The following NDRG4 variants were observed in gnomAD, a reference collection of about 807,000 sequenced individuals.
NDRG4 encodes the protein NDRG family member 4, also known as protein NDRG4.
Under a neutral mutation model 55.8 loss-of-function variants are expected in NDRG4, and 38 were observed. The ratio of observed to expected loss-of-function variants is 0.68; its 90% CI spans 0.53 to 0.89. The LOEUF (loss-of-function observed/expected upper bound fraction) is 0.89, where lower values mean the gene tolerates loss of function less well. Among genes scored for constraint, NDRG4 ranks in the 40% least tolerant of loss-of-function variants. The probability of loss-of-function intolerance (pLI) is 0.00; values close to 1 mark genes in which losing one functional copy is unlikely to be tolerated. For missense variants in NDRG4, 455 were observed against 468.6 expected (o/e 0.97, Z 0.27); for synonymous variants, 190 against 182.7 (o/e 1.04, Z -0.32).
At chr16:58,500,071 C>T, upstream of NDRG4, 1 of 1,478,880 alleles carries the variant, frequency 6.8e-7, no homozygotes, top group Non-Finnish European at 9.0e-7. Flanking sequence ...GCTCAGAAAC[C>T]CTGCGGGGAG....
At chr16:58,475,061 G>A (rs889739027) in intron 1 of NDRG4, among the ~76,000 whole-genome samples, 1 of 152,186 alleles carries the variant, frequency 6.6e-6, no homozygotes, top group Non-Finnish European at 1.5e-5. Context: ...TGCCCCTCGG[G>A]CTCTCTCTTT....
In NDRG4 at chr16:58,509,015, G is replaced by T; in HGVS notation, c.777+6G>T. The T allele has an allele frequency of 6.2e-7, 1 of 1,614,126 alleles. No homozygotes were observed. Among genetic ancestry groups the T allele is most frequent in the Non-Finnish European group, 8.5e-7 (1 of 1,180,014 alleles). Reference sequence around the variant, plus strand: ...CCACTACGACCTTCCTGAAGGTGAGGCTTTCTTCCCCAGCCCTGGGCCAGC... The same window carrying T: ...CCACTACGACCTTCCTGAAGGTGAGTCTTTCTTCCCCAGCCCTGGGCCAGC... On this transcript the variant is annotated splice_donor_region_variant and intron_variant, in intron 11 of 14. Transcript: ENST00000570248.
At chr16:58,474,262 C>T (rs879286077) in intron 1 of NDRG4, among the ~76,000 whole-genome samples, 10 of 152,046 alleles carry the variant, frequency 6.6e-5, no homozygotes, top group Non-Finnish European at 1.0e-4. Context: ...AGGCTGGTCT[C>T]GAACTCCTGG....
At chr16:58,507,767 G>A (rs2038231368) in intron 8 of NDRG4, 41 bp from the exon 9 acceptor site, 1 of 1,601,086 alleles carries the variant, frequency 6.2e-7, no homozygotes, top group Admixed American at 1.7e-5. Flanking sequence ...TCCTGTCCTG[G>A]GGTGCCCACC....
In NDRG4 at chr16:58,511,349, C is replaced by T. The variant is rs1036859496; in HGVS notation, c.905-73C>T. 6 of 1,485,218 alleles carry T rather than the reference C, an allele frequency of 4.0e-6. No individual in the cohort carries two copies. The African/African-American group carries it at 8.4e-5, about 21-fold the overall frequency. 92.0% of individuals were successfully genotyped at this position (1,485,218 alleles called of 1,614,324 possible). A position where few individuals can be genotyped will look rare whatever the true frequency, so the allele number is the denominator to read the frequency against. ...AACGGTTCGCTGGCCGCTTTGCTTG[C>T]AGCCTACTTTTCCCACCAGAGGCAC... is the stretch of plus-strand genomic sequence containing the variant. On this transcript the variant is annotated intron_variant, in intron 14 of 14. Transcript: ENST00000570248.
downstream of NDRG4, among the ~76,000 whole-genome samples, chr16:58,513,883 A>G (rs1427475229): frequency 6.6e-6 from 1 of 152,166 alleles, no homozygotes; most frequent in Non-Finnish European, 1.5e-5. Context: ...GCTTGAACCT[A>G]GGAGGCAGAG....
chr16:58,466,046 C>T (rs111625294), intron 1 of NDRG4, among the ~76,000 whole-genome samples: 2,863 of 152,188 alleles, frequency 0.019, 97 homozygotes, highest in African/African-American at 0.065. Flanking sequence ...AGATGGAGTC[C>T]CACTCTGTCG....
chr16:58,473,105 A>G (rs1295649762), intron 1 of NDRG4, among the ~76,000 whole-genome samples: 4 of 152,156 alleles, frequency 2.6e-5, no homozygotes, highest in South Asian at 4.2e-4. Flanking sequence ...TAAAAACTGT[A>G]TTATGTATTA....
intron 1 of NDRG4, chr16:58,502,051 T>C (rs1280498212): frequency 4.4e-6 from 2 of 455,616 alleles, no homozygotes; most frequent in Non-Finnish European, 8.8e-6. Flanking sequence ...GGGTGGAACC[T>C]GATCTCCTGT....
At chr16:58,501,059 C>A in intron 1 of NDRG4, 1 of 1,236,912 alleles carries the variant, frequency 8.1e-7, no homozygotes, top group African/African-American at 1.5e-5. Flanking sequence ...CAGGGCACCT[C>A]CTCTCGCCGG....
chr16:58,506,707 G>C (rs2038080136), intron 7 of NDRG4, 93 bp downstream of exon 7: 1 of 1,411,446 alleles, frequency 7.1e-7, no homozygotes. Context: ...TTTGGCATCT[G>C]ACCTGGCTCA....
intron 1 of NDRG4, among the ~76,000 whole-genome samples, chr16:58,485,007 G>A (rs1244052106): frequency 6.6e-6 from 1 of 150,732 alleles, no homozygotes; most frequent in African/African-American, 2.4e-5. Context: ...TCAGCCTCCC[G>A]AGTAGCTGGG....
chr16:58,463,768 C>CTGCGCGTCTGTCTCG (rs1479703456), exon 1 of NDRG4: 4 of 151,030 alleles, frequency 2.6e-5, no homozygotes, highest in Non-Finnish European at 5.9e-5. Context: ...CGCTCCCCGC[C>CTGCGCGTCTGTCTCG]TGCGCGTCTG....
intron 1 of NDRG4, among the ~76,000 whole-genome samples, chr16:58,484,550 A>G (rs995035935): frequency 1.3e-5 from 2 of 152,204 alleles, no homozygotes; most frequent in African/African-American, 4.8e-5. Flanking sequence ...CTTACCCCTG[A>G]GAAGTAGAAG....
At chr16:58,484,667 T>C (rs1424948894) in intron 1 of NDRG4, among the ~76,000 whole-genome samples, 2 of 152,134 alleles carry the variant, frequency 1.3e-5, no homozygotes, top group African/African-American at 4.8e-5. Flanking sequence ...CACCAGGAGC[T>C]GGGCAGGGCG....
At chr16:58,467,869 C>T (rs1283357585) in intron 1 of NDRG4, among the ~76,000 whole-genome samples, 1 of 152,228 alleles carries the variant, frequency 6.6e-6, no homozygotes, top group Admixed American at 6.5e-5. Context: ...CCTCAGGCCG[C>T]CTCCCGAGTG....
chr16:58,485,006 C>T (rs1265089398), intron 1 of NDRG4, among the ~76,000 whole-genome samples: 3 of 151,772 alleles, frequency 2.0e-5, no homozygotes, highest in Non-Finnish European at 1.5e-5. Context: ...CTCAGCCTCC[C>T]GAGTAGCTGG....
rs745671538 is a variant in NDRG4 at position 58,503,923 on chromosome 16, A to C, written c.127+20A>C. ...TCAACCGTAAGTGCAGCCCAGCCTC[A>C]GTCAGCCCTCCTCTGCCTCCCATCA... On this transcript the variant is annotated intron_variant, in intron 2 of 14. Transcript: ENST00000570248. 5 of 1,612,616 alleles carry C rather than the reference A, an allele frequency of 3.1e-6. No homozygotes were observed. The South Asian group carries it at 5.5e-5, about 18-fold the overall frequency.
At chr16:58,476,079 G>C (rs903372855) in intron 1 of NDRG4, among the ~76,000 whole-genome samples, 4 of 152,214 alleles carry the variant, frequency 2.6e-5, no homozygotes, top group African/African-American at 9.6e-5. Flanking sequence ...TTACAGGCAT[G>C]AGCCACTGCG....
Sources: gnomAD v4.1 joint callset for allele counts (sites outside exome capture counted in the v4.1 genomes callset) on GRCh38, gnomAD v4.1.1 for gene constraint, MANE v1.5 for transcripts, NCBI Gene and HGNC (gene_info 2026-07-23, HGNC 2026-07-21) for gene names.